Variants in OPCML observed in about 807,000 individuals in gnomAD.
OPCML encodes opioid-binding protein/cell adhesion molecule.
In OPCML, 13 loss-of-function variants were observed where a neutral mutation model predicts 37.8. That is an observed-to-expected ratio of 0.34 (90% CI 0.22 to 0.55). The LOEUF (loss-of-function observed/expected upper bound fraction) is 0.55. Ranked by LOEUF, OPCML falls within the 20% of genes least tolerant of loss-of-function variation. The pLI, the probability that OPCML is intolerant of heterozygous loss-of-function variation, is 0.91. For missense variants in OPCML, 341 were observed against 435.6 expected, an observed-to-expected ratio of 0.78 and a Z score of 1.93; for synonymous variants, 176 against 168.8, an observed-to-expected ratio of 1.04 and a Z score of -0.33.
intron 1 of OPCML, among the ~76,000 whole-genome samples, chr11:133,072,597 T>C (rs1565431914): frequency 6.6e-6 from 1 of 152,240 alleles, no homozygotes; most frequent in Non-Finnish European, 1.5e-5. Flanking sequence ...GTCTATCAAG[T>C]ATGAAACGTC....
At chr11:133,485,149 C>G (rs996157731) in intron 1 of OPCML, among the ~76,000 whole-genome samples, 9 of 152,090 alleles carry the variant, frequency 5.9e-5, no homozygotes, top group African/African-American at 2.2e-4. Flanking sequence ...AATACAAACA[C>G]TTCATTTAAA....
intron 1 of OPCML, among the ~76,000 whole-genome samples, chr11:133,080,387 C>T (rs1336751150): frequency 1.3e-5 from 2 of 151,988 alleles, no homozygotes; most frequent in Non-Finnish European, 2.9e-5. Flanking sequence ...AGTAGGAAGG[C>T]CCTAAGAGGG....
Position 132,557,380 on chromosome 11 carries a change from G to A in OPCML, c.380-28194C>T, listed in dbSNP as rs78158050. On this transcript the variant is annotated intron_variant, in intron 3 of 7. Transcript: ENST00000524381. ...GCTCAGTTGAGAATTAGGATATTAC[G>A]ACTTGGTTTTCTTTCTTCCTTGATT... Among the ~76,000 whole-genome samples the A allele has an allele frequency of 7.2e-3, 1,097 of 152,264 alleles. 13 individuals are homozygous for A. Among genetic ancestry groups the A allele is most frequent in the African/African-American group, 0.024 (979 of 41,544 alleles).
intron 2 of OPCML, among the ~76,000 whole-genome samples, chr11:132,689,909 T>A (rs1943330631): frequency 1.3e-5 from 2 of 152,170 alleles, no homozygotes; most frequent in Non-Finnish European, 2.9e-5. Flanking sequence ...CCATAAGTAA[T>A]CATTTATAGG....
intron 1 of OPCML, among the ~76,000 whole-genome samples, chr11:133,481,329 G>C (rs1217557422): frequency 6.6e-6 from 1 of 152,080 alleles, no homozygotes; most frequent in Non-Finnish European, 1.5e-5. Context: ...GGAGAGAAGA[G>C]TCAAGCCCAG....
intron 1 of OPCML, among the ~76,000 whole-genome samples, chr11:133,134,294 G>A (rs1367351156): frequency 1.3e-5 from 2 of 152,106 alleles, no homozygotes; most frequent in African/African-American, 2.4e-5. Flanking sequence ...ACTTAACTAG[G>A]GAAAGGTGCT....
At chr11:132,790,546 T>C (rs1408598936) in intron 2 of OPCML, among the ~76,000 whole-genome samples, 4 of 152,240 alleles carry the variant, frequency 2.6e-5, no homozygotes, top group Non-Finnish European at 5.9e-5. Flanking sequence ...CTGGTTCTCT[T>C]ACTGGTTCCT....
chr11:132,946,561 T>C (rs764958023), intron 1 of OPCML, among the ~76,000 whole-genome samples: 1 of 152,220 alleles, frequency 6.6e-6, no homozygotes, highest in Non-Finnish European at 1.5e-5. Flanking sequence ...AAGTTTTTAG[T>C]TCCACTGTAA....
chr11:133,356,413 C>A (rs1048363070), intron 1 of OPCML, among the ~76,000 whole-genome samples: 2 of 152,116 alleles, frequency 1.3e-5, no homozygotes, highest in African/African-American at 4.8e-5. Context: ...AGCTGGAGTT[C>A]CTTTTCACTA....
rs1555102303 is a variant in OPCML, at chr11:133,140,667, A to AAG, written c.62-197658_62-197657insCT. Among the ~76,000 whole-genome samples the AAG allele has an allele frequency of 1.3e-3, 186 of 140,134 alleles. 1 individual carries two copies. Among genetic ancestry groups the AAG allele is most frequent in the Middle Eastern group, 7.1e-3 (2 of 280 alleles). 91.9% of individuals were successfully genotyped at this position (140,134 alleles called of 152,430 possible). A position where few individuals can be genotyped will look rare whatever the true frequency, so the allele number is the denominator to read the frequency against. On this transcript the variant is annotated intron_variant, in intron 1 of 7. Coordinates refer to ENST00000524381, the MANE Select transcript of OPCML (RefSeq NM_001012393.5). ...GGAAGAGGAAGAGGAAGAAAAGAAG[A>AAG]AAAGAAGAAAGAAGAAAGATGGAAG...
chr11:132,731,109 T>C (rs896962557), intron 2 of OPCML, among the ~76,000 whole-genome samples: 11 of 152,222 alleles, frequency 7.2e-5, no homozygotes, highest in South Asian at 2.1e-4. Flanking sequence ...GGTAACCACA[T>C]ATGGTTATTG....
chr11:133,231,276 T>C (rs1194679212), intron 1 of OPCML, among the ~76,000 whole-genome samples: 2 of 152,118 alleles, frequency 1.3e-5, no homozygotes, highest in African/African-American at 2.4e-5. Context: ...CTTCTACCGC[T>C]TGATGAGTAA....
chr11:132,704,038 G>T (rs1943937289), intron 2 of OPCML, among the ~76,000 whole-genome samples: 1 of 152,080 alleles, frequency 6.6e-6, no homozygotes, highest in South Asian at 2.1e-4. Context: ...TTGTTTGGTT[G>T]GTTTTTTTGC....
chr11:132,673,671 T>C (rs187147182), intron 2 of OPCML, among the ~76,000 whole-genome samples: 20 of 152,242 alleles, frequency 1.3e-4, no homozygotes, highest in African/African-American at 4.8e-4. Flanking sequence ...TCATTGAGTA[T>C]TGGAAACTAC....
At chr11:133,327,015 G>A (rs973540096) in intron 1 of OPCML, among the ~76,000 whole-genome samples, 6 of 139,762 alleles carry the variant, frequency 4.3e-5, no homozygotes, top group African/African-American at 1.3e-4. Flanking sequence ...GTATGGGGAG[G>A]GTGTGTGTAT....
chr11:132,693,158 T>G (rs903504700), intron 2 of OPCML, among the ~76,000 whole-genome samples: 2 of 152,180 alleles, frequency 1.3e-5, no homozygotes, highest in African/African-American at 4.8e-5. Flanking sequence ...ATAAACTCTA[T>G]CTTAATGCAC....
At chr11:133,048,652 T>C (rs963107721) in intron 1 of OPCML, among the ~76,000 whole-genome samples, 2 of 152,214 alleles carry the variant, frequency 1.3e-5, no homozygotes, top group Non-Finnish European at 2.9e-5. Flanking sequence ...TATGGGTTCA[T>C]GGTTCTTACT....
At chr11:133,488,167 C>A (rs1053678430) in intron 1 of OPCML, among the ~76,000 whole-genome samples, 1 of 151,984 alleles carries the variant, frequency 6.6e-6, no homozygotes, top group Non-Finnish European at 1.5e-5. Context: ...TCTTACTTAA[C>A]AGAAAAGTTG....
chr11:132,538,128 G>A (rs1470523770), intron 3 of OPCML, among the ~76,000 whole-genome samples: 2 of 152,074 alleles, frequency 1.3e-5, no homozygotes, highest in Non-Finnish European at 2.9e-5. Context: ...AGGCAGCATT[G>A]GTCATAATAG....
Sources: allele counts gnomAD v4.1 joint callset (sites outside exome capture counted in the v4.1 genomes callset), GRCh38; gene constraint gnomAD v4.1.1; transcripts MANE v1.5; gene names NCBI Gene and HGNC (gene_info 2026-07-23, HGNC 2026-07-21).